Variants in SOX6 observed in about 807,000 individuals in gnomAD.
SOX6 encodes the protein transcription factor SOX-6.
Under a neutral mutation model 97.8 loss-of-function variants are expected in SOX6, and 11 were observed. The ratio of observed to expected loss-of-function variants is 0.11; its 90% CI spans 0.07 to 0.19. The LOEUF is 0.19. Ranked by LOEUF, SOX6 falls within the 10% of genes least tolerant of loss-of-function variation. SOX6 has a pLI of 1.00. For missense variants in SOX6, 810 were observed against 1,039.5 expected, an observed-to-expected ratio of 0.78 and a Z score of 3.04; for synonymous variants, 360 against 371.4, an observed-to-expected ratio of 0.97 and a Z score of 0.35.
At chr11:16,043,537 A>G (rs556201621) in intron 12 of SOX6, among the ~76,000 whole-genome samples, 4 of 152,326 alleles carry the variant, frequency 2.6e-5, no homozygotes, top group South Asian at 2.1e-4. Context: ...TACCCAATAC[A>G]GTGAGACCCA....
At chr11:16,588,855 A>G (rs988513029) in intron 4 of SOX6, among the ~76,000 whole-genome samples, 3 of 152,006 alleles carry the variant, frequency 2.0e-5, no homozygotes, top group African/African-American at 4.8e-5. Flanking sequence ...GTAGCAAGAC[A>G]CTGTCTCTTT....
At position 15,970,682 on chromosome 11, in the gene SOX6, A is replaced by G. The variant is rs1213447881; in HGVS notation, c.*2127T>C. ...GTACCTTAATCAGCTTATAGAGAGC[A>G]CTCCCAGCTAACAGAATAGCTTGTA... On this transcript the variant is annotated 3_prime_UTR_variant, in exon 16 of 16. Coordinates refer to ENST00000683767, the MANE Select transcript of SOX6 (RefSeq NM_001367873.1). 2.6e-5 allele frequency: 4 copies of G among 152,652 alleles called. No homozygotes were observed. The highest frequency in any genetic ancestry group is 9.7e-5 in the African/African-American group (4 of 41,450). The allele number at this position is 152,652 out of a possible 1,614,324, so 9.5% of individuals were successfully genotyped here. A position where few individuals can be genotyped will look rare whatever the true frequency, so the allele number is the denominator to read the frequency against.
At chr11:16,656,115 T>C (rs935335357) in intron 3 of SOX6, among the ~76,000 whole-genome samples, 20 of 152,136 alleles carry the variant, frequency 1.3e-4, no homozygotes, top group African/African-American at 4.6e-4. Flanking sequence ...AGTCTTGCTA[T>C]GTCACCAGGC....
intron 9 of SOX6, among the ~76,000 whole-genome samples, chr11:16,071,589 T>G (rs1848226523): frequency 6.6e-6 from 1 of 151,852 alleles, no homozygotes. Flanking sequence ...CCCCACCTCT[T>G]GTATCCAGAC....
chr11:16,242,914 C>G (rs988680917), intron 3 of SOX6, among the ~76,000 whole-genome samples: 1 of 151,838 alleles, frequency 6.6e-6, no homozygotes, highest in African/African-American at 2.4e-5. Context: ...TCCTATTATT[C>G]TATTTACTTG....
intron 3 of SOX6, among the ~76,000 whole-genome samples, chr11:16,682,410 C>T (rs761941728): frequency 1.3e-5 from 2 of 152,206 alleles, no homozygotes; most frequent in Non-Finnish European, 2.9e-5. Flanking sequence ...AGCTTCATCC[C>T]TGGGATGCAA....
chr11:16,700,689 C>A (rs576480912), intron 3 of SOX6, among the ~76,000 whole-genome samples: 8 of 152,300 alleles, frequency 5.3e-5, no homozygotes, highest in African/African-American at 1.7e-4. Flanking sequence ...GTTTGCATAC[C>A]TGAACAACTA....
chr11:16,039,357 T>A (rs1855597993), intron 12 of SOX6, among the ~76,000 whole-genome samples: 1 of 152,082 alleles, frequency 6.6e-6, no homozygotes, highest in South Asian at 2.1e-4. Context: ...GTTTGATCAG[T>A]GAAAACTGTT....
chr11:15,970,110 A>C lies in SOX6; in HGVS notation c.*2699T>G, dbSNP rs957451391. 3 of 152,430 alleles carry C rather than the reference A, an allele frequency of 2.0e-5. No individual in the cohort carries two copies. The highest frequency in any genetic ancestry group is 3.4e-3 in the Middle Eastern group (1 of 294). The allele number at this position is 152,430 out of a possible 1,614,324, so 9.4% of individuals were successfully genotyped here. A position where few individuals can be genotyped will look rare whatever the true frequency, so the allele number is the denominator to read the frequency against. On this transcript the variant is annotated 3_prime_UTR_variant, in exon 16 of 16. Coordinates refer to ENST00000683767, the MANE Select transcript of SOX6 (RefSeq NM_001367873.1). ...TGTGAGGCAAGCCCACACGAGTCGAAACAGATGACTTTTGTTCATGTAGTT... is the reference window on the plus strand; with the variant it reads ...TGTGAGGCAAGCCCACACGAGTCGACACAGATGACTTTTGTTCATGTAGTT...
intron 4 of SOX6, among the ~76,000 whole-genome samples, chr11:16,574,901 ATGGT>A (rs1847968545): frequency 1.3e-5 from 2 of 152,018 alleles, no homozygotes; most frequent in Admixed American, 1.3e-4. Context: ...TTAGCTGGGC[ATGGT>A]GGCACACGCC....
chr11:16,283,413 T>C (rs1854637451), intron 3 of SOX6, among the ~76,000 whole-genome samples: 2 of 151,612 alleles, frequency 1.3e-5, no homozygotes, highest in African/African-American at 4.8e-5. Context: ...TTTTATGTTG[T>C]ACAATAAAAT....
Position 16,664,421 on chromosome 11 carries a change from G to T in SOX6, n.429+50409C>A, listed in dbSNP as rs1391823045. 2.0e-5 allele frequency among the ~76,000 whole-genome samples: 3 copies of T among 152,130 alleles called. No homozygotes were observed. The East Asian group carries it at 5.8e-4, about 29-fold the overall frequency. ...ACAGTGATTGTGGAACTTAGCATTG[G>T]AACTCAGTGCTGCCCTGTCACAGCA... is the stretch of plus-strand genomic sequence containing the variant. On this transcript the variant is annotated intron_variant and non_coding_transcript_variant, in intron 3 of 5. Transcript: ENST00000524520.
At position 16,120,581 on chromosome 11, in the gene SOX6, T is replaced by TATATATATATAC. The variant is rs140473523; in HGVS notation, c.778-8659_778-8658insGTATATATATAT. On this transcript the variant is annotated intron_variant, in intron 6 of 15. Coordinates refer to ENST00000683767, the MANE Select transcript of SOX6 (RefSeq NM_001367873.1). Reference sequence around the variant, plus strand: ...CTTCACATATATATATATATATATATACACACACTTTTCTGCATAAATATA... The same window carrying TATATATATATAC: ...CTTCACATATATATATATATATATATATATATATATACACACACACTTTTCTGCATAAATATA... Among the ~76,000 whole-genome samples the TATATATATATAC allele has an allele frequency of 3.3e-4, 49 of 149,722 alleles. No homozygotes were observed. The East Asian group carries it at 4.9e-3, about 15-fold the overall frequency.
intron 4 of SOX6, among the ~76,000 whole-genome samples, chr11:16,224,090 G>A (rs544916733): frequency 1.2e-4 from 18 of 151,902 alleles, no homozygotes; most frequent in African/African-American, 4.3e-4. Flanking sequence ...AAAATCAATA[G>A]AAATATTTTA....
At chr11:16,297,290 A>C (rs1855122635) in intron 3 of SOX6, among the ~76,000 whole-genome samples, 1 of 151,928 alleles carries the variant, frequency 6.6e-6, no homozygotes, top group Admixed American at 6.6e-5. Flanking sequence ...TCTGCCCCAC[A>C]AAAAAAATTC....
At chr11:16,516,527 C>T (rs1274383470) in intron 4 of SOX6, among the ~76,000 whole-genome samples, 1 of 151,942 alleles carries the variant, frequency 6.6e-6, no homozygotes, top group African/African-American at 2.4e-5. Context: ...ATACAAACTA[C>T]CATCAGAGAA....
intron 12 of SOX6, among the ~76,000 whole-genome samples, chr11:16,019,317 CA>C (rs1854982290): frequency 1.3e-5 from 2 of 152,054 alleles, no homozygotes; most frequent in African/African-American, 4.8e-5. Context: ...TGGTATATTT[CA>C]TTCCAATGGT....
intron 7 of SOX6, among the ~76,000 whole-genome samples, chr11:16,104,229 A>G (rs755890873): frequency 2.0e-5 from 3 of 152,036 alleles, no homozygotes; most frequent in East Asian, 1.9e-4. Flanking sequence ...ATATATTTAA[A>G]TAATCAACTA....
chr11:16,410,018 G>A (rs527931254), intron 1 of SOX6, among the ~76,000 whole-genome samples: 9 of 152,226 alleles, frequency 5.9e-5, no homozygotes, highest in Non-Finnish European at 1.0e-4. Context: ...GTGGGGATGG[G>A]GAGGAATAGG....
Sources: allele counts gnomAD v4.1 joint callset (sites outside exome capture counted in the v4.1 genomes callset), GRCh38; gene constraint gnomAD v4.1.1; transcripts MANE v1.5; gene names NCBI Gene and HGNC (gene_info 2026-07-23, HGNC 2026-07-21).